Variants in AMZ1 observed in about 807,000 individuals in gnomAD.
The protein encoded by AMZ1 is archaelysin family metallopeptidase 1, also known as archaemetzincin-1.
AMZ1 carries 39 observed loss-of-function variants against 29.9 expected under a neutral mutation model. That is an observed-to-expected ratio of 1.30 (90% CI 1.01 to 1.70). The LOEUF is 1.70. Ranked by LOEUF, AMZ1 falls within the 40% of genes most tolerant of loss-of-function variation. The probability of loss-of-function intolerance (pLI) is 0.00; values close to 1 mark genes in which losing one functional copy is unlikely to be tolerated. For synonymous variants in AMZ1, 458 were observed against 304.0 expected, an observed-to-expected ratio of 1.51 and a Z score of -5.27; for missense variants, 1,041 against 680.6, an observed-to-expected ratio of 1.53 and a Z score of -5.89.
At chr7:2,758,527 C>T (rs907271493) in intron 4 of AMZ1, among the ~76,000 whole-genome samples, 7 of 152,192 alleles carry the variant, frequency 4.6e-5, no homozygotes, top group South Asian at 2.1e-4. Flanking sequence ...TGTGATGGAA[C>T]GTATCTCCTG....
At chr7:2,743,383 T>C (rs1790604606) in intron 4 of AMZ1, among the ~76,000 whole-genome samples, 1 of 152,116 alleles carries the variant, frequency 6.6e-6, no homozygotes, top group Non-Finnish European at 1.5e-5. Flanking sequence ...TTATTCAAAA[T>C]ATGGAAGATA....
At chr7:2,733,567 G>A in intron 4 of AMZ1, 3 of 1,262,248 alleles carry the variant, frequency 2.4e-6, no homozygotes, top group Non-Finnish European at 3.5e-6. Flanking sequence ...GCAAATACAA[G>A]AACTGAACAG....
chr7:2,699,550 C>T (rs1787931664), intron 1 of AMZ1, among the ~76,000 whole-genome samples: 1 of 150,610 alleles, frequency 6.6e-6, no homozygotes, highest in Non-Finnish European at 1.5e-5. Flanking sequence ...CAAACATATG[C>T]TTGCTGGGCG....
chr7:2,738,383 T>C (rs1790320006), intron 4 of AMZ1, among the ~76,000 whole-genome samples: 1 of 152,092 alleles, frequency 6.6e-6, no homozygotes, highest in Admixed American at 6.5e-5. Flanking sequence ...GAGAAGCTGC[T>C]TGAGGAAACT....
intron 4 of AMZ1, among the ~76,000 whole-genome samples, chr7:2,753,559 C>T (rs745475036): frequency 4.6e-5 from 7 of 152,120 alleles, no homozygotes; most frequent in East Asian, 1.9e-4. Flanking sequence ...ATGGTCTGAA[C>T]GTGCCGCAGT....
chr7:2,723,099 G>A (rs992909882), downstream of AMZ1, among the ~76,000 whole-genome samples: 92 of 152,328 alleles, frequency 6.0e-4, no homozygotes, highest in African/African-American at 2.1e-3. Context: ...GAGTGGTGTA[G>A]AAATTATATG....
At position 2,713,458 on chromosome 7, in the gene AMZ1, C is replaced by T. The variant is rs1446915252; in HGVS notation, c.*580C>T. 1.3e-5 allele frequency: 2 copies of T among 152,668 alleles called. No individual in the cohort carries two copies. The highest frequency in any genetic ancestry group is 2.9e-5 in the Non-Finnish European group (2 of 68,310). 9.5% of individuals were successfully genotyped at this position (152,668 alleles called of 1,614,324 possible). The stretch of plus-strand genomic sequence containing the variant: ...GAAGGAAGCAGCGTGCGTCCTGTCT[C>T]CTTCCAGGCTGTGGGCCTGCCCTTC... On this transcript the variant is annotated 3_prime_UTR_variant, in exon 7 of 7. Transcript: ENST00000683327.
downstream of AMZ1, among the ~76,000 whole-genome samples, chr7:2,723,502 C>T (rs116498426): frequency 1.6e-3 from 241 of 152,312 alleles, 2 homozygotes; most frequent in Middle Eastern, 0.01. Context: ...ACATTGGTGG[C>T]GAAGATCTCC....
chr7:2,701,786 C>A (rs1233451902), intron 2 of AMZ1, among the ~76,000 whole-genome samples: 1 of 152,244 alleles, frequency 6.6e-6, no homozygotes, highest in Admixed American at 6.5e-5. Context: ...TTGTCACCAG[C>A]CCTGGTGGTC....
chr7:2,685,220 G>T (rs189356284), upstream of AMZ1, among the ~76,000 whole-genome samples: 1 of 151,904 alleles, frequency 6.6e-6, no homozygotes, highest in Non-Finnish European at 1.5e-5. Context: ...GTGGGGGTTG[G>T]GGGGAGGATA....
intron 4 of AMZ1, among the ~76,000 whole-genome samples, chr7:2,747,489 C>G (rs1433779774): frequency 6.6e-6 from 1 of 152,170 alleles, no homozygotes; most frequent in Non-Finnish European, 1.5e-5. Context: ...GCTAAAAACT[C>G]TCAACAAATT....
rs530912082 is a variant in AMZ1 at position 2,716,944 on chromosome 7, C to T, written c.*4066C>T. 1.3e-5 allele frequency among the ~76,000 whole-genome samples: 2 copies of T among 152,312 alleles called. No individual in the cohort carries two copies. Among genetic ancestry groups the T allele is most frequent in the South Asian group, 4.2e-4 (2 of 4,816 alleles). On this transcript the variant is annotated 3_prime_UTR_variant, in exon 7 of 7. Coordinates refer to ENST00000683327, the MANE Select transcript of AMZ1 (RefSeq NM_001384743.1). ...GAGGCGCAGTCTGTTCTTGCTTGAA[C>T]CCCGAGTTCTCCCGCTGTTGTGCAG...
At chr7:2,690,193 G>T (rs1335878814) in intron 1 of AMZ1, among the ~76,000 whole-genome samples, 1 of 152,112 alleles carries the variant, frequency 6.6e-6, no homozygotes, top group African/African-American at 2.4e-5. Flanking sequence ...AGGTGGCTGT[G>T]TTTTTGTGTG....
chr7:2,744,853 T>C (rs1222871933), intron 4 of AMZ1, among the ~76,000 whole-genome samples: 2 of 151,794 alleles, frequency 1.3e-5, no homozygotes, highest in African/African-American at 4.8e-5. Flanking sequence ...AACCAAGGCA[T>C]GAGAACTACC....
chr7:2,753,007 C>T (rs557941189), intron 4 of AMZ1, among the ~76,000 whole-genome samples: 1 of 152,354 alleles, frequency 6.6e-6, no homozygotes, highest in East Asian at 1.9e-4. Flanking sequence ...ATAATCACAG[C>T]CATCCTCCTT....
chr7:2,741,023 C>T (rs369801216), intron 4 of AMZ1, among the ~76,000 whole-genome samples: 13 of 151,916 alleles, frequency 8.6e-5, no homozygotes, highest in African/African-American at 1.5e-4. Context: ...CCTGCCTGGG[C>T]GACAGAGCGA....
chr7:2,707,093 T>C (rs1049634075), intron 3 of AMZ1, among the ~76,000 whole-genome samples: 2 of 152,080 alleles, frequency 1.3e-5, no homozygotes, highest in Admixed American at 6.6e-5. Context: ...ACTAACATGG[T>C]GAAATCTCCT....
At chr7:2,734,556 C>T (rs563532305) in intron 4 of AMZ1, among the ~76,000 whole-genome samples, 3 of 152,316 alleles carry the variant, frequency 2.0e-5, no homozygotes, top group East Asian at 1.9e-4. Flanking sequence ...CGCTGAAGCT[C>T]GTGGCGTTGT....
intron 4 of AMZ1, among the ~76,000 whole-genome samples, chr7:2,735,390 G>A (rs1012727403): frequency 2.6e-5 from 4 of 152,208 alleles, no homozygotes; most frequent in African/African-American, 7.2e-5. Flanking sequence ...GGTCAGGCAT[G>A]GAGAGTCACA....
Sources: gnomAD v4.1 joint callset for allele counts (sites outside exome capture counted in the v4.1 genomes callset) on GRCh38, gnomAD v4.1.1 for gene constraint, MANE v1.5 for transcripts, NCBI Gene and HGNC (gene_info 2026-07-23, HGNC 2026-07-21) for gene names.